The following VKORC1L1 variants were observed in gnomAD, a reference collection of about 807,000 sequenced individuals.
VKORC1L1 encodes the protein vitamin K epoxide reductase complex subunit 1-like protein 1.
In VKORC1L1, 2 loss-of-function variants were observed where a neutral mutation model predicts 18.9. The ratio of observed to expected loss-of-function variants is 0.11; its 90% CI spans 0.04 to 0.33. The LOEUF (loss-of-function observed/expected upper bound fraction) is 0.33. VKORC1L1 is among the 10% of genes least tolerant of loss of function. The pLI is 1.00. For synonymous variants in VKORC1L1, 96 were observed against 100.0 expected (o/e 0.96, Z 0.24); for missense variants, 123 against 224.1 (o/e 0.55, Z 2.88).
At chr7:65,896,701 G>A (rs753341599) in intron 1 of VKORC1L1, among the ~76,000 whole-genome samples, 8 of 151,494 alleles carry the variant, frequency 5.3e-5, no homozygotes, top group Non-Finnish European at 1.2e-4. Flanking sequence ...TGATGAATTT[G>A]CGTAAAAACA....
chr7:65,877,440 C>G (rs890303694), intron 1 of VKORC1L1, among the ~76,000 whole-genome samples: 6 of 151,932 alleles, frequency 3.9e-5, no homozygotes, highest in Non-Finnish European at 5.9e-5. Context: ...CTCCACCTCC[C>G]GGGTTCAAGC....
chr7:65,951,358 G>A (rs1041969734), intron 2 of VKORC1L1, among the ~76,000 whole-genome samples: 1 of 152,036 alleles, frequency 6.6e-6, no homozygotes, highest in South Asian at 2.1e-4. Flanking sequence ...GGTGGATCAC[G>A]AGGTCAGGAG....
At chr7:65,909,580 A>T (rs550286004) in intron 1 of VKORC1L1, among the ~76,000 whole-genome samples, 1 of 152,126 alleles carries the variant, frequency 6.6e-6, no homozygotes, top group Admixed American at 6.5e-5. Flanking sequence ...CTGTGTGTGG[A>T]TCTCATTGGT....
intron 1 of VKORC1L1, among the ~76,000 whole-genome samples, chr7:65,930,504 G>A (rs1789840605): frequency 6.6e-6 from 1 of 152,194 alleles, no homozygotes; most frequent in African/African-American, 2.4e-5. Flanking sequence ...TATTGATCAA[G>A]CATTGGCTGT....
At chr7:65,880,775 T>A (rs1250513198) in intron 1 of VKORC1L1, among the ~76,000 whole-genome samples, 1 of 152,164 alleles carries the variant, frequency 6.6e-6, no homozygotes, top group Non-Finnish European at 1.5e-5. Flanking sequence ...TTCAACTGGG[T>A]TGGGAAAGAA....
At chr7:65,949,690 G>C in intron 2 of VKORC1L1, among the ~76,000 whole-genome samples, 1 of 150,508 alleles carries the variant, frequency 6.6e-6, no homozygotes, top group East Asian at 2.0e-4. Context: ...AGGCTGAGGT[G>C]AGAGAATCAC....
chr7:65,895,745 T>C (rs1789198409), intron 1 of VKORC1L1, among the ~76,000 whole-genome samples: 1 of 151,488 alleles, frequency 6.6e-6, no homozygotes, highest in African/African-American at 2.4e-5. Context: ...GGCACAGAGC[T>C]GACAGCACTG....
chr7:65,947,676 G>A (rs1790144360), intron 1 of VKORC1L1, among the ~76,000 whole-genome samples: 1 of 151,854 alleles, frequency 6.6e-6, no homozygotes, highest in South Asian at 2.1e-4. Flanking sequence ...AAGACCTATA[G>A]TTTCTGATAT....
Position 65,959,458 on chromosome 7 carries a change from A to ATTT in VKORC1L1, c.*5158_*5159insTTT. The ATTT allele has an allele frequency of 6.6e-6, 1 of 152,236 alleles. No homozygotes were observed. The highest frequency in any genetic ancestry group is 2.4e-5 in the African/African-American group (1 of 41,468). The allele number at this position is 152,236 out of a possible 1,614,324, so 9.4% of individuals were successfully genotyped here. On this transcript the variant is annotated 3_prime_UTR_variant, in exon 3 of 3. Transcript: ENST00000360768. The stretch of plus-strand genomic sequence containing the variant: ...TTGATTCCTTTGAAAAACTAAAGAG[A>ATTT]AGTTGATAAAAAAAATACAGAAGCT...
At chr7:65,888,002 G>A (rs1254423244) in intron 1 of VKORC1L1, among the ~76,000 whole-genome samples, 1 of 152,180 alleles carries the variant, frequency 6.6e-6, no homozygotes, top group African/African-American at 2.4e-5. Flanking sequence ...TTATTCACCA[G>A]CCATTAAGGA....
chr7:65,871,637 G>T (rs1466213614), upstream of VKORC1L1, among the ~76,000 whole-genome samples: 1 of 152,164 alleles, frequency 6.6e-6, no homozygotes. Flanking sequence ...CCCTCTCCCT[G>T]GGGTAAGCCT....
chr7:65,900,079 GTGTGTGTGTA>G (rs1789287514), intron 1 of VKORC1L1, among the ~76,000 whole-genome samples: 2 of 122,062 alleles, frequency 1.6e-5, no homozygotes, highest in East Asian at 3.1e-4. Context: ...GTGTGTGTGT[GTGTGTGTGTA>G]TTGAAAATAC....
At chr7:65,873,765 G>C (rs1788774582) in intron 1 of VKORC1L1, among the ~76,000 whole-genome samples, 200 bp downstream of exon 1, 1 of 151,220 alleles carries the variant, frequency 6.6e-6, no homozygotes, top group South Asian at 2.1e-4. Flanking sequence ...CCCAGGCCGC[G>C]GGGCGGAGGT....
intron 1 of VKORC1L1, among the ~76,000 whole-genome samples, chr7:65,884,828 T>C (rs1358522894): frequency 6.6e-6 from 1 of 152,224 alleles, no homozygotes; most frequent in Non-Finnish European, 1.5e-5. Flanking sequence ...CAAGATTTAA[T>C]GGTTTCACAT....
chr7:65,938,394 A>G (rs1000860346), intron 1 of VKORC1L1, among the ~76,000 whole-genome samples: 5 of 152,188 alleles, frequency 3.3e-5, no homozygotes, highest in African/African-American at 1.2e-4. Context: ...AAAGAGGGCA[A>G]ATAGAAAAAA....
Position 65,958,643 on chromosome 7 carries a change from G to A in VKORC1L1, c.*4343G>A, listed in dbSNP as rs1287864115. On this transcript the variant is annotated 3_prime_UTR_variant, in exon 3 of 3. Coordinates refer to ENST00000360768, the MANE Select transcript of VKORC1L1 (RefSeq NM_173517.6). ...TCAGTAGGAGCCTTATATTCTTGAA[G>A]TCAATACTGTAACCTCATTTCTAAG... The A allele has an allele frequency of 6.6e-6, 1 of 152,190 alleles. No homozygotes were observed. The highest frequency in any genetic ancestry group is 1.5e-5 in the Non-Finnish European group (1 of 68,038). 9.4% of individuals were successfully genotyped at this position (152,190 alleles called of 1,614,324 possible).
intron 1 of VKORC1L1, among the ~76,000 whole-genome samples, chr7:65,895,453 G>GAAAA (rs1167891625): frequency 1.5e-4 from 4 of 26,668 alleles, no homozygotes; most frequent in Non-Finnish European, 2.2e-4. Context: ...CCATCTGTGA[G>GAAAA]AAAAAAAAAA....
At chr7:65,929,781 T>C (rs60683927) in intron 1 of VKORC1L1, among the ~76,000 whole-genome samples, 18,479 of 149,814 alleles carry the variant, frequency 0.12, 1,297 homozygotes, top group Middle Eastern at 0.2. Context: ...CCTCCTGCCT[T>C]GGCCTCCCAA....
chr7:65,876,100 A>AT (rs1788823260), intron 1 of VKORC1L1, among the ~76,000 whole-genome samples: 1 of 152,210 alleles, frequency 6.6e-6, no homozygotes, highest in Non-Finnish European at 1.5e-5. Context: ...TTTCACCGAA[A>AT]TTAGTAGGCT....
Sources: allele counts gnomAD v4.1 joint callset (sites outside exome capture counted in the v4.1 genomes callset), GRCh38; gene constraint gnomAD v4.1.1; transcripts MANE v1.5; gene names NCBI Gene and HGNC (gene_info 2026-07-23, HGNC 2026-07-21).